Variants in ROBO2 observed in about 807,000 individuals in gnomAD.
ROBO2 encodes roundabout guidance receptor 2.
In ROBO2, 53 loss-of-function variants were observed where a neutral mutation model predicts 160.8. The ratio of observed to expected loss-of-function variants is 0.33; its 90% CI spans 0.26 to 0.41. The LOEUF is 0.41. Among genes scored for constraint, ROBO2 ranks in the 10% least tolerant of loss-of-function variants. The pLI is 1.00. For synonymous variants in ROBO2, 664 were observed against 611.7 expected (o/e 1.09, Z -1.26); for missense variants, 1,577 against 1,722.4 (o/e 0.92, Z 1.49).
At chr3:76,123,302 T>A (rs1433541005) in intron 2 of ROBO2, among the ~76,000 whole-genome samples, 1 of 152,206 alleles carries the variant, frequency 6.6e-6, no homozygotes, top group Non-Finnish European at 1.5e-5. Context: ...ACAGTCATTT[T>A]ACATATCCTA....
At chr3:76,733,193 C>T (rs2093662367) in intron 2 of ROBO2, among the ~76,000 whole-genome samples, 3 of 152,106 alleles carry the variant, frequency 2.0e-5, no homozygotes, top group Admixed American at 2.0e-4. Context: ...CAGGCTGTGT[C>T]CCTGCCCAGA....
chr3:76,259,293 T>C (rs1050216228), intron 2 of ROBO2, among the ~76,000 whole-genome samples: 2 of 152,116 alleles, frequency 1.3e-5, no homozygotes, highest in African/African-American at 4.8e-5. Context: ...CTCATCAATG[T>C]TAGTCATTAA....
At chr3:76,719,940 AC>A (rs1042802560) in intron 2 of ROBO2, among the ~76,000 whole-genome samples, 3 of 152,114 alleles carry the variant, frequency 2.0e-5, no homozygotes, top group Non-Finnish European at 2.9e-5. Context: ...AAATCACTTA[AC>A]TTCTTAATTG....
chr3:77,622,665 A>G (rs1211955890), intron 23 of ROBO2, among the ~76,000 whole-genome samples: 1 of 152,204 alleles, frequency 6.6e-6, no homozygotes, highest in African/African-American at 2.4e-5. Context: ...ATGAAAGAAA[A>G]CTCAATTATA....
chr3:76,923,522 T>C (rs2076799104), intron 2 of ROBO2, among the ~76,000 whole-genome samples: 1 of 152,216 alleles, frequency 6.6e-6, no homozygotes, highest in South Asian at 2.1e-4. Context: ...CTCAGTGAAC[T>C]GAAGGATGTG....
intron 2 of ROBO2, among the ~76,000 whole-genome samples, chr3:77,211,245 C>T (rs2151097741): frequency 1.3e-5 from 2 of 152,304 alleles, no homozygotes; most frequent in South Asian, 4.1e-4. Flanking sequence ...TCCTCTCTAG[C>T]ACCTGTTGTT....
intron 2 of ROBO2, among the ~76,000 whole-genome samples, chr3:77,260,178 C>T (rs1051332547): frequency 1.7e-4 from 26 of 152,042 alleles, no homozygotes; most frequent in African/African-American, 5.8e-4. Flanking sequence ...GCGGTGGGTC[C>T]ATGTTATTCA....
At chr3:76,666,124 T>A (rs1328389004) in intron 2 of ROBO2, among the ~76,000 whole-genome samples, 2 of 150,454 alleles carry the variant, frequency 1.3e-5, no homozygotes, top group African/African-American at 4.9e-5. Context: ...TAAATATAGC[T>A]ATTGTAGATG....
chr3:76,450,097 G>A (rs907004975), intron 2 of ROBO2, among the ~76,000 whole-genome samples: 1 of 151,118 alleles, frequency 6.6e-6, no homozygotes, highest in African/African-American at 2.4e-5. Context: ...TCAGACGTTT[G>A]GAAGAAGAGT....
chr3:77,488,845 T>C (rs2085712546), intron 4 of ROBO2, among the ~76,000 whole-genome samples: 1 of 152,220 alleles, frequency 6.6e-6, no homozygotes, highest in Admixed American at 6.5e-5. Flanking sequence ...CATATTTATG[T>C]TTCTGATTCT....
At chr3:77,227,252 G>A (rs1161896689) in intron 2 of ROBO2, among the ~76,000 whole-genome samples, 2 of 151,918 alleles carry the variant, frequency 1.3e-5, no homozygotes, top group African/African-American at 4.8e-5. Context: ...TATTGCAGGT[G>A]GTCATAAACC....
chr3:77,102,472 G>A (rs769673038), intron 2 of ROBO2, among the ~76,000 whole-genome samples: 1 of 152,160 alleles, frequency 6.6e-6, no homozygotes, highest in Non-Finnish European at 1.5e-5. Flanking sequence ...CACTGACCTA[G>A]ATGTACCTAA....
rs367892459 is a variant in ROBO2 at position 76,804,400 on chromosome 3, G to A, written c.110-293614G>A. 9.1e-4 allele frequency among the ~76,000 whole-genome samples: 139 copies of A among 152,236 alleles called. 1 individual carries two copies. In the South Asian group the frequency reaches 0.027, roughly 29 times the overall value. The stretch of plus-strand genomic sequence containing the variant: ...GGTACAGCTAGAAGGAGTGTGATTC[G>A]TAGCAGTCGGTTTTCTAACAAGGAT... On this transcript the variant is annotated intron_variant, in intron 2 of 26. Transcript: ENST00000487694.
chr3:77,465,590 G>T (rs2082686250), intron 2 of ROBO2, among the ~76,000 whole-genome samples: 1 of 152,042 alleles, frequency 6.6e-6, no homozygotes, highest in Non-Finnish European at 1.5e-5. Flanking sequence ...AGGAAAAGAA[G>T]GATTTTATTA....
intron 2 of ROBO2, among the ~76,000 whole-genome samples, chr3:76,215,327 T>C (rs780896569): frequency 1.4e-4 from 22 of 151,868 alleles, no homozygotes; most frequent in Non-Finnish European, 3.1e-4. Context: ...CTTTGATGGG[T>C]TGAGAGAGGA....
At chr3:77,209,725 T>C (rs2083881395) in intron 2 of ROBO2, among the ~76,000 whole-genome samples, 1 of 152,126 alleles carries the variant, frequency 6.6e-6, no homozygotes, top group East Asian at 1.9e-4. Context: ...ATCTACAAAA[T>C]TAGAGGATTG....
chr3:76,783,736 A>C (rs1012216531), intron 2 of ROBO2, among the ~76,000 whole-genome samples: 1 of 150,850 alleles, frequency 6.6e-6, no homozygotes, highest in African/African-American at 2.4e-5. Context: ...TTTGTGCTTC[A>C]ACTATCTGGA....
intron 2 of ROBO2, among the ~76,000 whole-genome samples, chr3:76,818,215 G>T (rs924337917): frequency 5.3e-5 from 8 of 151,918 alleles, no homozygotes; most frequent in Non-Finnish European, 1.0e-4. Flanking sequence ...TTACATTGTG[G>T]TTTTGATTTG....
At chr3:77,053,196 G>A (rs1355126314) in intron 1 of ROBO2, among the ~76,000 whole-genome samples, 1 of 152,150 alleles carries the variant, frequency 6.6e-6, no homozygotes, top group Non-Finnish European at 1.5e-5. Flanking sequence ...GTGGCAGCTA[G>A]AAAATCCAAG....
Sources: allele counts gnomAD v4.1 joint callset (sites outside exome capture counted in the v4.1 genomes callset), GRCh38; gene constraint gnomAD v4.1.1; transcripts MANE v1.5; gene names NCBI Gene and HGNC (gene_info 2026-07-23, HGNC 2026-07-21).